Variants in CD2AP observed in about 807,000 individuals in gnomAD.
CD2AP encodes CD2-associated protein.
Under a neutral mutation model 85.1 loss-of-function variants are expected in CD2AP, and 46 were observed. The observed-to-expected ratio is 0.54, with a 90% CI of 0.43 to 0.69. CD2AP has a LOEUF of 0.69. CD2AP is among the 30% of genes least tolerant of loss of function. The probability of loss-of-function intolerance (pLI) is 0.00; values close to 1 mark genes in which losing one functional copy is unlikely to be tolerated. For synonymous variants in CD2AP, 255 were observed against 252.9 expected (o/e 1.01, Z -0.08); for missense variants, 769 against 729.5 (o/e 1.05, Z -0.62).
At chr6:47,502,172 C>T (rs566253738) in intron 1 of CD2AP, among the ~76,000 whole-genome samples, 34 of 152,214 alleles carry the variant, frequency 2.2e-4, no homozygotes, top group Non-Finnish European at 3.7e-4. Context: ...CCTTAAGTTG[C>T]TTGCTTGTGG....
intron 2 of CD2AP, among the ~76,000 whole-genome samples, chr6:47,518,961 C>T (rs1476473766): frequency 6.6e-6 from 1 of 152,196 alleles, no homozygotes; most frequent in Non-Finnish European, 1.5e-5. Flanking sequence ...CACTCCGCCT[C>T]TTGGTGTTCC....
chr6:47,536,041 A>G (rs1414398281), intron 3 of CD2AP, among the ~76,000 whole-genome samples: 1 of 152,192 alleles, frequency 6.6e-6, no homozygotes, highest in Non-Finnish European at 1.5e-5. Context: ...ATCATTATGC[A>G]GTTGGTGCCA....
intron 4 of CD2AP, among the ~76,000 whole-genome samples, chr6:47,549,733 A>G (rs566104998): frequency 9.9e-4 from 150 of 152,252 alleles, no homozygotes; most frequent in African/African-American, 3.5e-3. Context: ...ATGGAACCAA[A>G]AAGAGCCTGC....
At chr6:47,609,370 C>A in intron 16 of CD2AP, 66 bp downstream of exon 16, 1 of 1,294,228 alleles carries the variant, frequency 7.7e-7, no homozygotes, top group Non-Finnish European at 1.1e-6. Flanking sequence ...TTTTTCAAAC[C>A]ATATTAAGTA....
intron 1 of CD2AP, among the ~76,000 whole-genome samples, chr6:47,498,702 C>G (rs1403267396): frequency 6.6e-6 from 1 of 152,160 alleles, no homozygotes; most frequent in Non-Finnish European, 1.5e-5. Context: ...AATTTTCTCA[C>G]TTCTTATTTT....
At chr6:47,580,098 C>CATA (rs1562041760) in intron 9 of CD2AP, among the ~76,000 whole-genome samples, 1 of 152,216 alleles carries the variant, frequency 6.6e-6, no homozygotes, top group African/African-American at 2.4e-5. Flanking sequence ...TAAGCCAATG[C>CATA]ATAACTCTCC....
intron 2 of CD2AP, among the ~76,000 whole-genome samples, chr6:47,521,991 G>A (rs1766609971): frequency 1.3e-5 from 2 of 151,444 alleles, no homozygotes; most frequent in South Asian, 4.2e-4. Context: ...CTCTAGCCTG[G>A]GCAACAAGAG....
intron 3 of CD2AP, among the ~76,000 whole-genome samples, chr6:47,535,728 G>A (rs1016368480): frequency 6.6e-6 from 1 of 152,106 alleles, no homozygotes; most frequent in African/African-American, 2.4e-5. Flanking sequence ...TGGAGACTGG[G>A]GGACAAATAA....
At chr6:47,561,804 G>A (rs978719877) in intron 5 of CD2AP, among the ~76,000 whole-genome samples, 5 of 152,008 alleles carry the variant, frequency 3.3e-5, no homozygotes, top group African/African-American at 4.8e-5. Context: ...TTATTGAGAC[G>A]GAGTCTCGCT....
chr6:47,483,713 C>T (rs1171876222), intron 1 of CD2AP, among the ~76,000 whole-genome samples: 4 of 151,648 alleles, frequency 2.6e-5, no homozygotes, highest in South Asian at 2.1e-4. Flanking sequence ...GGGATCTTCT[C>T]TCTAAGTGCT....
At chr6:47,614,610 A>G (rs554366270) in intron 17 of CD2AP, among the ~76,000 whole-genome samples, 19 of 152,360 alleles carry the variant, frequency 1.2e-4, no homozygotes, top group Non-Finnish European at 2.5e-4. Flanking sequence ...CATTTGAAAT[A>G]TTGTGAAAAT....
intron 17 of CD2AP, among the ~76,000 whole-genome samples, chr6:47,616,276 CAG>C (rs1218543139): frequency 6.6e-6 from 1 of 151,096 alleles, no homozygotes; most frequent in African/African-American, 2.4e-5. Flanking sequence ...GTATTTTTAA[CAG>C]AGATGGGGTT....
intron 16 of CD2AP, among the ~76,000 whole-genome samples, chr6:47,610,651 G>A: frequency 6.6e-6 from 1 of 151,728 alleles, no homozygotes; most frequent in East Asian, 1.9e-4. Context: ...TTAAAAATAT[G>A]TTTTATATAT....
chr6:47,601,596 G>C (rs1369860011), intron 13 of CD2AP, among the ~76,000 whole-genome samples: 8 of 151,944 alleles, frequency 5.3e-5, no homozygotes, highest in African/African-American at 2.4e-5. Flanking sequence ...TATGTCGTAA[G>C]CATTAATTCA....
At chr6:47,502,354 C>A (rs1235158542) in intron 1 of CD2AP, among the ~76,000 whole-genome samples, 1 of 151,988 alleles carries the variant, frequency 6.6e-6, no homozygotes, top group Admixed American at 6.6e-5. Context: ...CTAGGCTCAC[C>A]AATGCCTTGA....
intron 5 of CD2AP, among the ~76,000 whole-genome samples, chr6:47,561,383 A>C (rs1315712241): frequency 6.6e-6 from 1 of 152,028 alleles, no homozygotes; most frequent in Admixed American, 6.5e-5. Flanking sequence ...ATTTTCTGTG[A>C]ACTTCCTTAC....
chr6:47,552,614 A>AT (rs1427496196), intron 4 of CD2AP, among the ~76,000 whole-genome samples: 8 of 152,046 alleles, frequency 5.3e-5, no homozygotes, highest in Non-Finnish European at 1.0e-4. Context: ...CATGCAGTCT[A>AT]TTTTTGTGTA....
At chr6:47,588,581 G>C (rs988053236) in intron 11 of CD2AP, among the ~76,000 whole-genome samples, 13 of 152,040 alleles carry the variant, frequency 8.6e-5, no homozygotes, top group African/African-American at 3.1e-4. Context: ...CAAGAGCAAA[G>C]AACAGAAAAT....
At chr6:47,549,460 C>CAAAA (rs67626138) in intron 4 of CD2AP, among the ~76,000 whole-genome samples, 48 of 110,656 alleles carry the variant, frequency 4.3e-4, no homozygotes, top group African/African-American at 6.2e-4. Context: ...ACAATAGCTG[C>CAAAA]AAAAAAAAAA....
Sources: allele counts gnomAD v4.1 joint callset (sites outside exome capture counted in the v4.1 genomes callset), GRCh38; gene constraint gnomAD v4.1.1; transcripts MANE v1.5; gene names NCBI Gene and HGNC (gene_info 2026-07-23, HGNC 2026-07-21).